LAMA2: variants seen among roughly 807,000 people sequenced by gnomAD.
The protein encoded by LAMA2 is laminin subunit alpha-2.
A neutral mutation model predicts 364.8 loss-of-function variants in LAMA2; 269 were observed. The ratio of observed to expected loss-of-function variants is 0.74; its 90% CI spans 0.67 to 0.82. LAMA2 has a LOEUF of 0.82. Among genes scored for constraint, LAMA2 ranks in the 40% least tolerant of loss-of-function variants. The pLI is 0.00. For synonymous variants in LAMA2, 1,379 were observed against 1,370.6 expected (o/e 1.01, Z -0.14); for missense variants, 3,807 against 3,873.2 (o/e 0.98, Z 0.45).
chr6:129,113,909 T>G (rs759285516), intron 4 of LAMA2, among the ~76,000 whole-genome samples: 1 of 151,996 alleles, frequency 6.6e-6, no homozygotes, highest in Non-Finnish European at 1.5e-5. Context: ...TTGGAACATT[T>G]TATCCCTATC....
At chr6:129,167,311 C>G (rs557045399) in intron 9 of LAMA2, among the ~76,000 whole-genome samples, 2 of 123,624 alleles carry the variant, frequency 1.6e-5, no homozygotes, top group Admixed American at 8.9e-5. Context: ...TCCCTCCCCC[C>G]TCCCCCCACC....
chr6:129,334,450 G>A (rs957743849), intron 29 of LAMA2, among the ~76,000 whole-genome samples: 3 of 152,166 alleles, frequency 2.0e-5, no homozygotes, highest in Admixed American at 6.5e-5. Flanking sequence ...TGCATGGTAC[G>A]CTTCATAAAA....
Position 129,395,988 on chromosome 6 carries a change from G to A in LAMA2, c.5445+2733G>A, listed in dbSNP as rs182639631. 4.6e-5 allele frequency among the ~76,000 whole-genome samples: 7 copies of A among 152,310 alleles called. No homozygotes were observed. In the East Asian group the frequency reaches 9.6e-4, roughly 21 times the overall value. Reference sequence around the variant, plus strand: ...GCAGACCTTCAGTTATAAGAGAATCGCATTGTGAGACTAAGCTAAGGAATT... The same window carrying A: ...GCAGACCTTCAGTTATAAGAGAATCACATTGTGAGACTAAGCTAAGGAATT... On this transcript the variant is annotated intron_variant, in intron 37 of 64. Transcript: ENST00000421865.
rs538784440 is a variant in LAMA2, at chr6:129,316,256, T to C, written c.4058+85T>C. 349 of 1,124,546 alleles carry C rather than the reference T, an allele frequency of 3.1e-4. No individual in the cohort carries two copies. The African/African-American group carries it at 4.8e-3, about 16-fold the overall frequency. 69.7% of individuals were successfully genotyped at this position (1,124,546 alleles called of 1,614,324 possible). ...ACCTACAGATATCAGATAAGAAAGA[T>C]TGGAAAGTGATTGGTTTTGCAGTAT... On this transcript the variant is annotated intron_variant, in intron 27 of 64. Coordinates refer to ENST00000421865, the MANE Select transcript of LAMA2 (RefSeq NM_000426.4).
chr6:129,443,171 A>G, intron 44 of LAMA2, 103 bp downstream of exon 44: 1 of 758,328 alleles, frequency 1.3e-6, no homozygotes, highest in South Asian at 1.7e-5. Flanking sequence ...TTTTGCTTTA[A>G]ACATTGCGTA....
At chr6:129,119,216 G>A (rs1776659058) in intron 4 of LAMA2, among the ~76,000 whole-genome samples, 1 of 152,050 alleles carries the variant, frequency 6.6e-6, no homozygotes, top group Admixed American at 6.5e-5. Context: ...TCCTCTACAT[G>A]GTGTTTATGA....
intron 1 of LAMA2, among the ~76,000 whole-genome samples, chr6:129,010,718 A>G (rs898613000): frequency 6.6e-6 from 1 of 152,214 alleles, no homozygotes; most frequent in Non-Finnish European, 1.5e-5. Context: ...GTGGTAACAC[A>G]TACTTTATAC....
chr6:129,500,539 T>A (rs572795455), intron 58 of LAMA2, among the ~76,000 whole-genome samples: 2 of 152,304 alleles, frequency 1.3e-5, no homozygotes, highest in East Asian at 3.9e-4. Context: ...CCAGGAGGTG[T>A]TCTTCTTCCT....
intron 4 of LAMA2, among the ~76,000 whole-genome samples, chr6:129,131,763 G>A (rs1777486887): frequency 6.6e-6 from 1 of 152,146 alleles, no homozygotes; most frequent in Non-Finnish European, 1.5e-5. Context: ...AATTGTTGTT[G>A]TCCTATAAGC....
At chr6:129,272,530 A>G (rs1057175284) in intron 17 of LAMA2, among the ~76,000 whole-genome samples, 15 of 152,280 alleles carry the variant, frequency 9.9e-5, no homozygotes, top group Middle Eastern at 3.4e-3. Context: ...GTGCTTTCCA[A>G]ATCTCTACGG....
intron 41 of LAMA2, among the ~76,000 whole-genome samples, chr6:129,432,323 T>C (rs1212054177): frequency 6.6e-6 from 1 of 152,106 alleles, no homozygotes; most frequent in African/African-American, 2.4e-5. Context: ...GGCAAAATAG[T>C]GGCAAATATA....
chr6:128,965,979 GTTTTTTTTTTT>G (rs11342050), intron 1 of LAMA2, among the ~76,000 whole-genome samples: 1 of 112,796 alleles, frequency 8.9e-6, no homozygotes. Context: ...TAAACCAGAG[GTTTTTTTTTTT>G]TTTTTTTTTT....
chr6:129,471,120 T>A (rs753114124), intron 51 of LAMA2, among the ~76,000 whole-genome samples: 19 of 151,974 alleles, frequency 1.3e-4, no homozygotes, highest in Non-Finnish European at 2.7e-4. Flanking sequence ...AAATCCTTAT[T>A]TCCCTACCTA....
At chr6:129,425,253 A>T (rs1246247098) in intron 40 of LAMA2, among the ~76,000 whole-genome samples, 4 of 152,076 alleles carry the variant, frequency 2.6e-5, no homozygotes, top group Admixed American at 6.6e-5. Context: ...TGGTTTATTT[A>T]TGCCAGTTTT....
At chr6:129,229,658 CT>C (rs34242051) in intron 12 of LAMA2, among the ~76,000 whole-genome samples, 89,359 of 151,984 alleles carry the variant, frequency 0.59, 30,869 homozygotes, top group Non-Finnish European at 0.76. Context: ...GCTGTGAAGT[CT>C]TGGACCACAG....
At chr6:129,185,414 A>G (rs1781167144) in intron 10 of LAMA2, among the ~76,000 whole-genome samples, 1 of 152,022 alleles carries the variant, frequency 6.6e-6, no homozygotes, top group South Asian at 2.1e-4. Flanking sequence ...TTTGTTTTTA[A>G]AGGGAAAAGA....
chr6:129,063,200 A>G (rs140216712), intron 3 of LAMA2, among the ~76,000 whole-genome samples: 1,823 of 152,212 alleles, frequency 0.012, 38 homozygotes, highest in African/African-American at 0.042. Flanking sequence ...TCCATCTCAC[A>G]ATTACAGCTA....
At chr6:129,427,458 T>A (rs1216246222) in intron 40 of LAMA2, among the ~76,000 whole-genome samples, 3 of 152,178 alleles carry the variant, frequency 2.0e-5, no homozygotes, top group Non-Finnish European at 4.4e-5. Context: ...TGTTATGCTC[T>A]CCTAATTTCT....
chr6:129,213,335 A>T (rs140622593), intron 12 of LAMA2, among the ~76,000 whole-genome samples: 21 of 152,342 alleles, frequency 1.4e-4, no homozygotes, highest in Middle Eastern at 6.8e-3. Flanking sequence ...GCTGCTATAA[A>T]CACTTATGTG....
Sources: gnomAD v4.1 joint callset for allele counts (sites outside exome capture counted in the v4.1 genomes callset) on GRCh38, gnomAD v4.1.1 for gene constraint, MANE v1.5 for transcripts, NCBI Gene and HGNC (gene_info 2026-07-23, HGNC 2026-07-21) for gene names.